PLEKHM2: variants seen among roughly 807,000 people sequenced by gnomAD.
The protein encoded by PLEKHM2 is pleckstrin homology and RUN domain containing M2, also known as pleckstrin homology domain-containing family M member 2.
A neutral mutation model predicts 116.3 loss-of-function variants in PLEKHM2; 77 were observed. That is an observed-to-expected ratio of 0.66 (90% CI 0.55 to 0.80). The LOEUF is 0.80. Among genes scored for constraint, PLEKHM2 ranks in the 30% least tolerant of loss-of-function variants. The pLI, the probability that PLEKHM2 is intolerant of heterozygous loss-of-function variation, is 0.00. For synonymous variants in PLEKHM2, 562 were observed against 571.0 expected (o/e 0.98, Z 0.22); for missense variants, 1,183 against 1,354.9 (o/e 0.87, Z 1.99).
intron 1 of PLEKHM2, among the ~76,000 whole-genome samples, chr1:15,690,092 A>G (rs1487069539): frequency 6.7e-6 from 1 of 149,244 alleles, no homozygotes; most frequent in East Asian, 2.0e-4. Context: ...TTTTTGAGAC[A>G]GTCTTGCTCT....
chr1:15,707,519 C>G (rs185649384), intron 1 of PLEKHM2, among the ~76,000 whole-genome samples: 1 of 152,310 alleles, frequency 6.6e-6, no homozygotes, highest in East Asian at 1.9e-4. Flanking sequence ...ACTTTACACA[C>G]AAAACTTGGA....
intron 1 of PLEKHM2, among the ~76,000 whole-genome samples, chr1:15,696,916 G>C (rs1641010071): frequency 6.6e-6 from 1 of 152,136 alleles, no homozygotes; most frequent in South Asian, 2.1e-4. Context: ...ATATCTGACT[G>C]TATTGCACGG....
chr1:15,715,534 G>A (rs1641427680), intron 1 of PLEKHM2, among the ~76,000 whole-genome samples: 1 of 151,926 alleles, frequency 6.6e-6, no homozygotes, highest in Non-Finnish European at 1.5e-5. Flanking sequence ...CCAGCTACTC[G>A]GGAGGCTGAG....
At chr1:15,705,730 G>A (rs149069822) in intron 1 of PLEKHM2, among the ~76,000 whole-genome samples, 108 of 152,202 alleles carry the variant, frequency 7.1e-4, no homozygotes, top group African/African-American at 2.6e-3. Context: ...CATTGTCGGG[G>A]CTGCTAGCCT....
Position 15,721,472 on chromosome 1 carries a change from T to A in PLEKHM2, c.712+84T>A. Reference sequence around the variant, plus strand: ...TTGCTGCATGTATCAAATCAGCTCCTTATTATTTATAATAATATCCATAAT... The same window carrying A: ...TTGCTGCATGTATCAAATCAGCTCCATATTATTTATAATAATATCCATAAT... On this transcript the variant is annotated intron_variant, in intron 7 of 19. Coordinates refer to ENST00000375799, the MANE Select transcript of PLEKHM2 (RefSeq NM_015164.4). The surrounding 1 kb of genome is among the most constrained non-coding windows in gnomAD (Gnocchi z 5.1). The A allele has an allele frequency of 1.3e-6, 1 of 777,434 alleles. No individual in the cohort carries two copies. Among genetic ancestry groups the A allele is most frequent in the Non-Finnish European group, 2.1e-6 (1 of 466,506 alleles). The allele number at this position is 777,434 out of a possible 1,614,324, so 48.2% of individuals were successfully genotyped here.
chr1:15,695,696 G>T (rs980649971), intron 1 of PLEKHM2, among the ~76,000 whole-genome samples: 1 of 151,966 alleles, frequency 6.6e-6, no homozygotes, highest in Non-Finnish European at 1.5e-5. Context: ...ATTTTTAGTA[G>T]TGATGGGGTT....
At position 15,684,617 on chromosome 1, in the gene PLEKHM2, A is replaced by G. The variant is rs1313513232; in HGVS notation, c.59A>G (p.Lys20Arg). 1 of 1,294,232 alleles carries G rather than the reference A, an allele frequency of 7.7e-7. No individual in the cohort carries two copies. The highest frequency in any genetic ancestry group is 9.9e-7 in the Non-Finnish European group (1 of 1,009,134). 80.2% of individuals were successfully genotyped at this position (1,294,232 alleles called of 1,614,324 possible). A position where few individuals can be genotyped will look rare whatever the true frequency, so the allele number is the denominator to read the frequency against. The part of the protein sequence containing the change: ...ILENISLSVK[K>R]LQSYFAACED... ...GAGAACATCTCGCTGTCGGTGAAGA[A>G]GGTGAGCGCGGCCTCCCTCCCGGCC... The change falls in exon 1 of 20, where the codon AAG (lysine) becomes AGG (arginine). Residue 20 changes from lysine to arginine, a missense_variant and splice_region_variant. By Grantham distance (26) the Lys-to-Arg change is conservative (BLOSUM62 2). Around this residue, in one of 3 missense-constraint regions of PLEKHM2, gnomAD observed 217 missense variants for 277.6 expected, o/e 0.78. Coordinates refer to ENST00000375799, the MANE Select transcript of PLEKHM2 (RefSeq NM_015164.4).
At chr1:15,693,747 C>T (rs1029121749) in intron 1 of PLEKHM2, among the ~76,000 whole-genome samples, 1 of 152,222 alleles carries the variant, frequency 6.6e-6, no homozygotes, top group Non-Finnish European at 1.5e-5. Flanking sequence ...TGCCAGCTGA[C>T]ACAAATGTTA....
At chr1:15,706,342 C>T (rs1641225334) in intron 1 of PLEKHM2, among the ~76,000 whole-genome samples, 1 of 152,162 alleles carries the variant, frequency 6.6e-6, no homozygotes, top group South Asian at 2.1e-4. Context: ...AATACTTTCC[C>T]CCCGGATGCC....
At chr1:15,709,319 C>T (rs970453497) in intron 1 of PLEKHM2, among the ~76,000 whole-genome samples, 3 of 152,122 alleles carry the variant, frequency 2.0e-5, no homozygotes, top group Admixed American at 6.6e-5. Context: ...CTCATTTCTT[C>T]GATGTTTGCT....
chr1:15,701,572 G>A (rs1380124516), intron 1 of PLEKHM2, among the ~76,000 whole-genome samples: 3 of 152,248 alleles, frequency 2.0e-5, no homozygotes, highest in Admixed American at 6.5e-5. Context: ...GGTGGATCAC[G>A]AGGTCAGGAG....
In PLEKHM2 at chr1:15,727,036, G is replaced by A. The variant is rs1349952250; in HGVS notation, c.964G>A (p.Gly322Ser). ...VIRVTKKKKI[G>S]KKKKSRSDEE... ...CAGGGTCACCAAGAAGAAGAAAATTGGCAAGAAGAAAAAGAGCAGATCAGA... is the reference window on the plus strand; with the variant it reads ...CAGGGTCACCAAGAAGAAGAAAATTAGCAAGAAGAAAAAGAGCAGATCAGA... Residue 322 changes from glycine (G) to serine (S), a missense_variant, in exon 9 of 20, where the codon GGC (glycine) becomes AGC (serine). Coordinates refer to ENST00000375799, the MANE Select transcript of PLEKHM2 (RefSeq NM_015164.4). This position sits in a 1 kb window ranked among gnomAD's most constrained non-coding sequence, Gnocchi z 7.5. 7 of 1,478,822 alleles carry A rather than the reference G, an allele frequency of 4.7e-6. No homozygotes were observed. In the East Asian group the frequency reaches 1.7e-4, roughly 36 times the overall value. 91.6% of individuals were successfully genotyped at this position (1,478,822 alleles called of 1,614,324 possible).
chr1:15,733,820 C>A lies in PLEKHM2; in HGVS notation c.2946C>A (p.Ile982=). The change falls in exon 20 of 20, where the codon ATC becomes ATA. Residue 982 remains isoleucine, a synonymous_variant. Transcript: ENST00000375799. The stretch of plus-strand genomic sequence containing the variant: ...AGGTGGACCTCCCCCACACGGCGAT[C>A]CAGGAAGCCTCCAACAAGAAGAAAT... ...IYQVDLPHTA[I]QEASNKKKFE... 6.2e-7 allele frequency: 1 copy of A among 1,613,088 alleles called. No homozygotes were observed. Among genetic ancestry groups the A allele is most frequent in the South Asian group, 1.1e-5 (1 of 91,082 alleles).
chr1:15,699,118 A>G (rs1258341017), intron 1 of PLEKHM2, among the ~76,000 whole-genome samples: 1 of 152,074 alleles, frequency 6.6e-6, no homozygotes, highest in Non-Finnish European at 1.5e-5. Context: ...TGAGCCCAGG[A>G]GTTTGAGACC....
chr1:15,694,789 A>G (rs1489252951), intron 1 of PLEKHM2, among the ~76,000 whole-genome samples: 2 of 148,180 alleles, frequency 1.3e-5, no homozygotes, highest in Non-Finnish European at 3.0e-5. Flanking sequence ...ACAGAGTCTC[A>G]CTCTGTTGCC....
chr1:15,688,040 G>A (rs1320504922), intron 1 of PLEKHM2, among the ~76,000 whole-genome samples: 2 of 152,112 alleles, frequency 1.3e-5, no homozygotes, highest in African/African-American at 2.4e-5. Context: ...ACAGCTTAAT[G>A]AGTTCTCACA....
rs752055191 is a variant in PLEKHM2 at position 15,728,393 on chromosome 1, A to G, written c.1921+36A>G. 2 of 1,563,052 alleles carry G rather than the reference A, an allele frequency of 1.3e-6. No individual in the cohort carries two copies. The highest frequency in any genetic ancestry group is 8.8e-7 in the Non-Finnish European group (1 of 1,139,656). ...CCCCCGGGCAGACAGCGGGTTGTAG[A>G]CGAGGCTGACTCTCAGCCCCTTTTC... On this transcript the variant is annotated intron_variant, in intron 11 of 19. Transcript: ENST00000375799. This position sits in a 1 kb window ranked among gnomAD's most constrained non-coding sequence, Gnocchi z 5.9.
chr1:15,717,922 G>A lies in PLEKHM2; in HGVS notation c.307G>A (p.Glu103Lys), dbSNP rs1338559112. 3.1e-6 allele frequency: 5 copies of A among 1,599,212 alleles called. No homozygotes were observed. Among genetic ancestry groups the A allele is most frequent in the Non-Finnish European group, 4.3e-6 (5 of 1,172,820 alleles). ...TGCCTGGCTGTACCTGGCCCTCAACGAGAACTCCTTGGAGAGCTACCTGCG... is the reference window on the plus strand; with the variant it reads ...TGCCTGGCTGTACCTGGCCCTCAACAAGAACTCCTTGGAGAGCTACCTGCG... ...SRAWLYLALN[E>K]NSLESYLRLF... The change falls in exon 4 of 20, where the codon GAG becomes AAG. Residue 103 changes from glutamate to lysine, a missense_variant. Glu to Lys is a moderately conservative substitution (Grantham distance 56). Around this residue, in one of 3 missense-constraint regions of PLEKHM2, gnomAD observed 217 missense variants for 277.6 expected, o/e 0.78. Coordinates refer to ENST00000375799, the MANE Select transcript of PLEKHM2 (RefSeq NM_015164.4).
upstream of PLEKHM2, among the ~76,000 whole-genome samples, chr1:15,683,725 G>A (rs1323599988): frequency 6.6e-6 from 1 of 150,910 alleles, no homozygotes; most frequent in Non-Finnish European, 1.5e-5. Context: ...GTGGGGTTGG[G>A]GTCTCCGGAG....
Sources: gnomAD v4.1 joint callset for allele counts (sites outside exome capture counted in the v4.1 genomes callset) on GRCh38, gnomAD v4.1.1 for gene constraint, gnomAD v4.1.1 regional missense constraint, Gnocchi (gnomAD v3.1) non-coding constraint, MANE v1.5 for transcripts, NCBI Gene and HGNC (gene_info 2026-07-23, HGNC 2026-07-21) for gene names.